The following SLC9B2 variants were observed in gnomAD, a reference collection of about 807,000 sequenced individuals.
SLC9B2 encodes solute carrier family 9 member B2, also known as sodium/hydrogen exchanger 9B2.
In SLC9B2, 39 loss-of-function variants were observed where a neutral mutation model predicts 52.2. The ratio of observed to expected loss-of-function variants is 0.75; its 90% CI spans 0.58 to 0.98. The LOEUF (loss-of-function observed/expected upper bound fraction) is 0.98. SLC9B2 is among the 50% of genes least tolerant of loss of function. The pLI is 0.00. For synonymous variants in SLC9B2, 214 were observed against 227.0 expected (o/e 0.94, Z 0.51); for missense variants, 626 against 637.5 (o/e 0.98, Z 0.19).
At chr4:103,032,832 A>C (rs936640447) in intron 9 of SLC9B2, among the ~76,000 whole-genome samples, 3 of 152,186 alleles carry the variant, frequency 2.0e-5, no homozygotes, top group African/African-American at 7.2e-5. Context: ...AAATTCTGCA[A>C]GCACAGCACC....
intron 9 of SLC9B2, among the ~76,000 whole-genome samples, chr4:103,041,160 G>A (rs534796408): frequency 2.0e-5 from 3 of 152,128 alleles, no homozygotes; most frequent in African/African-American, 7.2e-5. Flanking sequence ...ATCAATTTCT[G>A]ATCATTTCAG....
intron 1 of SLC9B2, among the ~76,000 whole-genome samples, chr4:103,069,082 G>A: frequency 6.6e-6 from 1 of 152,104 alleles, no homozygotes; most frequent in South Asian, 2.1e-4. Flanking sequence ...TGATATATAT[G>A]TATGTGTATG....
In SLC9B2 at chr4:103,026,540, G is replaced by C. The variant is rs1361679903; in HGVS notation, c.1444C>G (p.Gln482Glu). The stretch of plus-strand genomic sequence containing the variant: ...ACATCCATTCCATAGTCTTCTAATT[G>C]TTTCTCTCCATGTGACCTTGCTGTG... ...LDTARSHGEKQLEDYGMDVLT... is the reference protein window; with the variant it reads ...LDTARSHGEKELEDYGMDVLT... The change falls in exon 12 of 12, where the codon CAA (glutamine) becomes GAA (glutamate). Residue 482 changes from glutamine (Q) to glutamate (E), a missense_variant. Physicochemically the swap from Gln to Glu is conservative, Grantham distance 29. Coordinates refer to ENST00000394785, the MANE Select transcript of SLC9B2 (RefSeq NM_178833.7). 3.7e-6 allele frequency: 6 copies of C among 1,613,698 alleles called. No homozygotes were observed. The highest frequency in any genetic ancestry group is 5.1e-6 in the Non-Finnish European group (6 of 1,179,898).
In SLC9B2 at chr4:103,066,282, A is replaced by G. The variant is rs373814381; in HGVS notation, c.271+45T>C. The G allele has an allele frequency of 9.7e-5, 154 of 1,579,572 alleles. No individual in the cohort carries two copies. In the African/African-American group the frequency reaches 1.7e-3, roughly 17 times the overall value. The stretch of plus-strand genomic sequence containing the variant: ...CCATATTATTTAGTAATCTGCCATT[A>G]TAACAACTTCATCTTTTGCCATCTC... On this transcript the variant is annotated intron_variant, in intron 3 of 11. Coordinates refer to ENST00000394785, the MANE Select transcript of SLC9B2 (RefSeq NM_178833.7).
At chr4:103,067,742 G>A (rs7674212) in intron 1 of SLC9B2, 150 bp from the exon 2 acceptor site, 3 of 554,202 alleles carry the variant, frequency 5.4e-6, no homozygotes, top group South Asian at 4.4e-5. Context: ...GCTGGTTATT[G>A]TTTTTGCTTG....
downstream of SLC9B2, chr4:103,020,360 CAA>C (rs1050525469): frequency 2.2e-6 from 1 of 447,490 alleles, no homozygotes; most frequent in African/African-American, 2.0e-5. Flanking sequence ...CTTTCAGTCC[CAA>C]AGTTTCCAGT....
intron 4 of SLC9B2, among the ~76,000 whole-genome samples, chr4:103,053,176 G>A (rs1217390023): frequency 1.3e-5 from 2 of 151,924 alleles, no homozygotes; most frequent in Non-Finnish European, 2.9e-5. Context: ...AAGGGAAGCC[G>A]TTTTCAAATT....
chr4:103,019,573 G>A (rs767101453), downstream of SLC9B2: 83 of 985,306 alleles, frequency 8.4e-5, no homozygotes, highest in Non-Finnish European at 9.9e-5. Context: ...GCTTGGAAGG[G>A]CGGCGTTAAG....
chr4:103,048,720 CT>C, intron 6 of SLC9B2, 172 bp downstream of exon 6: 1 of 807,188 alleles, frequency 1.2e-6, no homozygotes, highest in East Asian at 3.1e-5. Context: ...GAGTTAGCGC[CT>C]ATTAACACAT....
At chr4:103,074,013 C>T (rs752857748) in intron 1 of SLC9B2, among the ~76,000 whole-genome samples, 4 of 152,126 alleles carry the variant, frequency 2.6e-5, no homozygotes, top group Non-Finnish European at 5.9e-5. Flanking sequence ...CATTTCTTGC[C>T]ATTGGAATTT....
chr4:103,065,610 G>C (rs531399678), intron 3 of SLC9B2: 86 of 151,870 alleles, frequency 5.7e-4, no homozygotes, highest in African/African-American at 2.0e-3. Context: ...TCTTTTTTCT[G>C]CTTTATCACA....
chr4:103,043,959 C>T (rs969777119), intron 8 of SLC9B2, among the ~76,000 whole-genome samples: 1 of 152,120 alleles, frequency 6.6e-6, no homozygotes, highest in Non-Finnish European at 1.5e-5. Flanking sequence ...AACCAGGAAG[C>T]TTTAAGAGGT....
In SLC9B2 at chr4:103,043,295, C is replaced by A. The variant is rs1189220734; in HGVS notation, c.1146+1G>T. ...GCAGAAAAACTTAAAATGAAATTCA[C>A]CTTTTCGCTGGTCCATCCCATGCCT... is the stretch of plus-strand genomic sequence containing the variant. On this transcript the variant is annotated splice_donor_variant, in intron 9 of 11. Transcript: ENST00000394785. LOFTEE classifies it high-confidence loss of function. The A allele has an allele frequency of 8.8e-6, 14 of 1,597,542 alleles. No individual in the cohort carries two copies. The highest frequency in any genetic ancestry group is 1.2e-5 in the Non-Finnish European group (14 of 1,175,682).
intron 3 of SLC9B2, among the ~76,000 whole-genome samples, chr4:103,063,451 T>C (rs1745841528): frequency 2.0e-5 from 3 of 152,224 alleles, no homozygotes; most frequent in African/African-American, 4.8e-5. Flanking sequence ...AACTATGGAA[T>C]TGAGTCTCAT....
chr4:103,047,056 GA>G lies in SLC9B2; in HGVS notation c.883del (p.Ser295ProfsTer17). On this transcript the variant is annotated frameshift_variant, in exon 7 of 12. Coordinates refer to ENST00000394785, the MANE Select transcript of SLC9B2 (RefSeq NM_178833.7). ...TTGTGAACTGATTAGGTTACCTGTG[GA>G]AAAGGCTATGCCCAAGCATGTGTTG... Reference protein sequence around the residue: ...GFNTCLGIAFSTGSTVFNVLR... With the variant: ...GFNTCLGIAFXTGSTVFNVLR... 1 of 1,613,844 alleles carries G rather than the reference GA, an allele frequency of 6.2e-7. No individual in the cohort carries two copies.
chr4:103,050,837 C>T (rs965289896), intron 4 of SLC9B2, among the ~76,000 whole-genome samples: 1 of 152,176 alleles, frequency 6.6e-6, no homozygotes, highest in East Asian at 1.9e-4. Context: ...ATCTACTTTG[C>T]AAAGGTTTTA....
rs779941715 is a variant in SLC9B2 at position 103,048,884 on chromosome 4, A to C, written c.713+9T>G. The C allele has an allele frequency of 7.4e-6, 12 of 1,612,306 alleles. No individual in the cohort carries two copies. The East Asian group carries it at 2.7e-4, about 36-fold the overall frequency. On this transcript the variant is annotated intron_variant, in intron 6 of 11. Transcript: ENST00000394785. ...ACATATTTTCATATGACAAAGAAAC[A>C]ATCATTACCCCAGTATAAATCCCCA...
intron 6 of SLC9B2, among the ~76,000 whole-genome samples, chr4:103,047,638 T>C (rs1191994176): frequency 2.7e-5 from 4 of 148,306 alleles, no homozygotes; most frequent in Admixed American, 6.9e-5. Flanking sequence ...AGTGAGAACA[T>C]GTGGTGTTTG....
At chr4:103,065,797 A>ACTT (rs1299780995) in intron 3 of SLC9B2, 1 of 152,222 alleles carries the variant, frequency 6.6e-6, no homozygotes, top group African/African-American at 2.4e-5. Context: ...CAAGCCTAAA[A>ACTT]ATTTTCAAAA....
Sources: allele counts gnomAD v4.1 joint callset (sites outside exome capture counted in the v4.1 genomes callset), GRCh38; gene constraint gnomAD v4.1.1; transcripts MANE v1.5; gene names NCBI Gene and HGNC (gene_info 2026-07-23, HGNC 2026-07-21).